CABYR: variants seen among roughly 807,000 people sequenced by gnomAD.
CABYR encodes the protein calcium-binding tyrosine phosphorylation-regulated protein.
A neutral mutation model predicts 36.1 loss-of-function variants in CABYR; 31 were observed. The observed-to-expected ratio is 0.86, with a 90% CI of 0.64 to 1.16. CABYR has a LOEUF of 1.16. Ranked by LOEUF, CABYR falls within the 50% of genes most tolerant of loss-of-function variation. The probability of loss-of-function intolerance (pLI) is 0.00; values close to 1 mark genes in which losing one functional copy is unlikely to be tolerated. For missense variants in CABYR, 429 were observed against 455.8 expected (o/e 0.94, Z 0.53); for synonymous variants, 146 against 160.7 (o/e 0.91, Z 0.69).
At chr18:24,146,358 C>T (rs2085458489) in intron 3 of CABYR, among the ~76,000 whole-genome samples, 1 of 151,904 alleles carries the variant, frequency 6.6e-6, no homozygotes, top group Non-Finnish European at 1.5e-5. Flanking sequence ...CAAATTAAGG[C>T]AAAGAGAAAA....
Position 24,155,971 on chromosome 18 carries a change from C to T in CABYR, c.470C>T (p.Pro157Leu). The T allele has an allele frequency of 6.2e-7, 1 of 1,614,214 alleles. No individual in the cohort carries two copies. The change falls in exon 4 of 6, where the codon CCT (proline) becomes CTT (leucine). Residue 157 changes from proline (P) to leucine (L), a missense_variant. Physicochemically the swap from Pro to Leu is moderately conservative, Grantham distance 98. Transcript: ENST00000399496. ...ACTACTACCCCACCCTCATCACCAC[C>T]TCCAACAGCTGTCTCACCAGAGTTT... ...PKTTTPPSSP[P>L]PTAVSPEFAY...
chr18:24,144,590 A>AC lies in CABYR; in HGVS notation c.199+1182dup, dbSNP rs1353289088. Among the ~76,000 whole-genome samples the AC allele has an allele frequency of 2.0e-5, 3 of 151,734 alleles. No individual in the cohort carries two copies. The East Asian group carries it at 5.8e-4, about 29-fold the overall frequency. On this transcript the variant is annotated intron_variant, in intron 3 of 5. Coordinates refer to ENST00000399496, the MANE Select transcript of CABYR (RefSeq NM_153769.3). ...AGACCAGCCTAGGCAAAATAGTGAGACCCCCATCTCTAAACAAACAAACAA... is the reference window on the plus strand; with the variant it reads ...AGACCAGCCTAGGCAAAATAGTGAGACCCCCCATCTCTAAACAAACAAACAA...
At chr18:24,139,391 CTCT>C (rs2085244761) in intron 1 of CABYR, 1 of 152,284 alleles carries the variant, frequency 6.6e-6, no homozygotes, top group African/African-American at 2.4e-5. Context: ...TCACTCCCGT[CTCT>C]CCCAAACAGA....
At chr18:24,155,675 TAACCC>T in intron 3 of CABYR, 21 bp from the exon 4 acceptor site, 1 of 1,490,108 alleles carries the variant, frequency 6.7e-7, no homozygotes, top group Non-Finnish European at 9.1e-7. Context: ...AGATGTTAAT[TAACCC>T]ATCTGGTTGT....
chr18:24,161,252 A>G (rs917381954), intron 5 of CABYR, among the ~76,000 whole-genome samples: 1 of 152,090 alleles, frequency 6.6e-6, no homozygotes, highest in Non-Finnish European at 1.5e-5. Flanking sequence ...ACCAGTTACT[A>G]TATTTAAGGA....
chr18:24,160,870 G>C (rs888198516), intron 5 of CABYR: 3 of 152,388 alleles, frequency 2.0e-5, no homozygotes, highest in African/African-American at 7.2e-5. Flanking sequence ...GTGCGCCCAG[G>C]CTGTGTCCTA....
Position 24,149,270 on chromosome 18 carries a change from C to T in CABYR, c.199+5857C>T, listed in dbSNP as rs186721742. Among the ~76,000 whole-genome samples the T allele has an allele frequency of 2.6e-5, 4 of 151,812 alleles. No homozygotes were observed. In the East Asian group the frequency reaches 7.8e-4, roughly 29 times the overall value. On this transcript the variant is annotated intron_variant, in intron 3 of 5. Coordinates refer to ENST00000399496, the MANE Select transcript of CABYR (RefSeq NM_153769.3). Reference sequence around the variant, plus strand: ...AGTGCCGATTGGTGTATTTACAATCCCTGAGCTAGACATAAAGGTTCTCTA... The same window carrying T: ...AGTGCCGATTGGTGTATTTACAATCTCTGAGCTAGACATAAAGGTTCTCTA...
chr18:24,143,546 T>A (rs935383595), intron 3 of CABYR, 133 bp downstream of exon 3: 15 of 236,658 alleles, frequency 6.3e-5, no homozygotes, highest in Middle Eastern at 1.4e-3. Context: ...CTTTTTAAAA[T>A]ATATATATAT....
intron 3 of CABYR, chr18:24,148,429 C>T (rs1293508866): frequency 6.6e-6 from 1 of 152,182 alleles, no homozygotes; most frequent in Non-Finnish European, 1.5e-5. Flanking sequence ...GAGGGAATGT[C>T]TGCTATTCCA....
In CABYR at chr18:24,139,096, T is replaced by C. The variant is rs957618000; in HGVS notation, c.-47T>C. 1 of 152,300 alleles carries C rather than the reference T, an allele frequency of 6.6e-6. No individual in the cohort carries two copies. Among genetic ancestry groups the C allele is most frequent in the Non-Finnish European group, 1.5e-5 (1 of 68,094 alleles). 9.4% of individuals were successfully genotyped at this position (152,300 alleles called of 1,614,324 possible). On this transcript the variant is annotated 5_prime_UTR_variant, in exon 1 of 6. Coordinates refer to ENST00000399496, the MANE Select transcript of CABYR (RefSeq NM_153769.3). ...CGGCAAGGGGGCAACGAGGAAGCTC[T>C]TAAGAGCGCGGCCGGAAAGCAGGTG...
At chr18:24,160,534 A>G (rs866071387) in intron 5 of CABYR, among the ~76,000 whole-genome samples, 1 of 152,222 alleles carries the variant, frequency 6.6e-6, no homozygotes, top group African/African-American at 2.4e-5. Flanking sequence ...GGTGAGAGGC[A>G]GAGTAAAGAG....
At chr18:24,146,844 A>C (rs2085470843) in intron 3 of CABYR, among the ~76,000 whole-genome samples, 4 of 152,182 alleles carry the variant, frequency 2.6e-5, no homozygotes, top group Non-Finnish European at 5.9e-5. Flanking sequence ...GCCAAAAGAC[A>C]ATGGAATGAC....
chr18:24,159,372 C>T, intron 4 of CABYR, 100 bp from the exon 5 acceptor site: 1 of 791,200 alleles, frequency 1.3e-6, no homozygotes, highest in South Asian at 1.7e-5. Context: ...CATATCACTA[C>T]AGCTGTTTTA....
rs5823414 is a variant in CABYR at position 24,147,252 on chromosome 18, C to CAAAA, written c.199+3856_199+3859dup. ...TAGGTGACAGTGCAAAACCATGTCT[C>CAAAA]AAAAAAAAAAAAAAAAAAAAGCCTA... is the stretch of plus-strand genomic sequence containing the variant. On this transcript the variant is annotated intron_variant, in intron 3 of 5. Coordinates refer to ENST00000399496, the MANE Select transcript of CABYR (RefSeq NM_153769.3). Among the ~76,000 whole-genome samples the CAAAA allele has an allele frequency of 1.9e-3, 187 of 96,338 alleles. 6 individuals are homozygous for CAAAA. The highest frequency in any genetic ancestry group is 7.6e-3 in the African/African-American group (173 of 22,786). 63.2% of individuals were successfully genotyped at this position (96,338 alleles called of 152,430 possible). A position where few individuals can be genotyped will look rare whatever the true frequency, so the allele number is the denominator to read the frequency against.
chr18:24,148,339 TGC>T (rs2085509500), intron 3 of CABYR, among the ~76,000 whole-genome samples: 2 of 152,210 alleles, frequency 1.3e-5, no homozygotes, highest in Admixed American at 1.3e-4. Flanking sequence ...AGAACCAGTG[TGC>T]CATTAGTGGT....
At position 24,155,684 on chromosome 18, in the gene CABYR, T is replaced by C; in HGVS notation, c.200-17T>C. 3 of 1,531,928 alleles carry C rather than the reference T, an allele frequency of 2.0e-6. No homozygotes were observed. In the East Asian group the frequency reaches 6.8e-5, roughly 34 times the overall value. 94.9% of individuals were successfully genotyped at this position (1,531,928 alleles called of 1,614,324 possible). A position where few individuals can be genotyped will look rare whatever the true frequency, so the allele number is the denominator to read the frequency against. On this transcript the variant is annotated splice_polypyrimidine_tract_variant and intron_variant, in intron 3 of 5. Coordinates refer to ENST00000399496, the MANE Select transcript of CABYR (RefSeq NM_153769.3). ...CTTTTTAGATGTTAATTAACCCATC[T>C]GGTTGTTGTTTTTCAGTAGAGAAAT...
intron 3 of CABYR, among the ~76,000 whole-genome samples, chr18:24,150,839 G>A (rs2145870078): frequency 6.8e-6 from 1 of 146,246 alleles, no homozygotes; most frequent in East Asian, 2.0e-4. Context: ...GAGTGCAGTA[G>A]TGAGATCTCA....
rs60696159 is a variant in CABYR at position 24,142,180 on chromosome 18, C to A, written c.-24-911C>A. ...ACTAAAAATACAAAAATTAGCCGGG[C>A]GTGGTGGCCAGTACCTGTAATCCCA... On this transcript the variant is annotated intron_variant, in intron 1 of 5. Coordinates refer to ENST00000399496, the MANE Select transcript of CABYR (RefSeq NM_153769.3). Among the ~76,000 whole-genome samples the A allele has an allele frequency of 6.2e-3, 943 of 151,764 alleles. 12 individuals are homozygous for A. Among genetic ancestry groups the A allele is most frequent in the African/African-American group, 0.021 (853 of 41,330 alleles).
At chr18:24,143,861 A>G (rs1369624951) in intron 3 of CABYR, among the ~76,000 whole-genome samples, 2 of 151,314 alleles carry the variant, frequency 1.3e-5, no homozygotes, top group African/African-American at 4.9e-5. Context: ...AAATTATGAG[A>G]TTACTGAGGA....
Sources: allele counts gnomAD v4.1 joint callset (sites outside exome capture counted in the v4.1 genomes callset), GRCh38; gene constraint gnomAD v4.1.1; transcripts MANE v1.5; gene names NCBI Gene and HGNC (gene_info 2026-07-23, HGNC 2026-07-21).